SIK3: variants seen among roughly 807,000 people sequenced by gnomAD.
The protein encoded by SIK3 is serine/threonine-protein kinase SIK3.
Under a neutral mutation model 144.2 loss-of-function variants are expected in SIK3, and 28 were observed. The ratio of observed to expected loss-of-function variants is 0.19; its 90% CI spans 0.14 to 0.27. The LOEUF (loss-of-function observed/expected upper bound fraction) is 0.27, where lower values mean the gene tolerates loss of function less well. SIK3 is among the 10% of genes least tolerant of loss of function. SIK3 has a pLI of 1.00. For synonymous variants in SIK3, 686 were observed against 676.3 expected (o/e 1.01, Z -0.22); for missense variants, 1,319 against 1,776.0 (o/e 0.74, Z 4.62).
At chr11:117,078,714 A>C (rs1382985840) in intron 1 of SIK3, among the ~76,000 whole-genome samples, 1 of 152,138 alleles carries the variant, frequency 6.6e-6, no homozygotes, top group Non-Finnish European at 1.5e-5. Context: ...GAGAATTGTC[A>C]TATTTTTAAT....
chr11:116,968,289 C>T (rs775881868), intron 1 of SIK3, among the ~76,000 whole-genome samples: 16 of 152,174 alleles, frequency 1.1e-4, no homozygotes, highest in Non-Finnish European at 1.5e-4. Context: ...ACTACAGGCG[C>T]GCACCACCAT....
intron 3 of SIK3, among the ~76,000 whole-genome samples, chr11:116,929,292 G>A (rs1947463065): frequency 6.6e-6 from 1 of 152,084 alleles, no homozygotes; most frequent in African/African-American, 2.4e-5. Flanking sequence ...CTATTCTTGA[G>A]AAACATAAAA....
intron 1 of SIK3, among the ~76,000 whole-genome samples, chr11:116,984,493 A>G (rs572055764): frequency 6.6e-6 from 1 of 152,290 alleles, no homozygotes; most frequent in East Asian, 1.9e-4. Flanking sequence ...CTGGGTCATA[A>G]TAGAACTTAG....
chr11:116,912,092 C>A (rs947519328), intron 4 of SIK3, among the ~76,000 whole-genome samples: 2 of 152,162 alleles, frequency 1.3e-5, no homozygotes, highest in Non-Finnish European at 2.9e-5. Context: ...GCTTTCCAAC[C>A]CCCAACACCC....
chr11:117,090,386 GAA>G (rs541351351), intron 1 of SIK3, among the ~76,000 whole-genome samples: 2 of 126,938 alleles, frequency 1.6e-5, no homozygotes, highest in Non-Finnish European at 1.7e-5. Context: ...TTAGGATAAT[GAA>G]AAAAAAAAAA....
At chr11:117,043,074 C>G (rs141942715) in intron 1 of SIK3, among the ~76,000 whole-genome samples, 88 of 152,214 alleles carry the variant, frequency 5.8e-4, no homozygotes, top group African/African-American at 1.7e-3. Context: ...ACAAGAGTTC[C>G]CAAAACAGCT....
In SIK3 at chr11:116,858,381, G is replaced by A. The variant is rs765476893; in HGVS notation, c.3084C>T (p.Thr1028=). The change falls in exon 21 of 25, where the codon ACC becomes ACT. Residue 1028 remains threonine (T), a synonymous_variant. Coordinates refer to ENST00000445177, the MANE Select transcript of SIK3 (RefSeq NM_001366686.3). The surrounding 1 kb of genome is among the most constrained non-coding windows in gnomAD (Gnocchi z 5.4). ...QGLLSPRHSL[T]GHSDIRLPPT... is the part of the protein sequence containing the mutation. Reference sequence around the variant, plus strand: ...GGGGCAGCCGGATGTCCGAGTGGCCGGTGAGCGAATGCCGGGGAGAAAGCA... The same window carrying A: ...GGGGCAGCCGGATGTCCGAGTGGCCAGTGAGCGAATGCCGGGGAGAAAGCA... 44 of 1,613,502 alleles carry A rather than the reference G, an allele frequency of 2.7e-5. No homozygotes were observed. The highest frequency in any genetic ancestry group is 3.3e-5 in the Non-Finnish European group (39 of 1,179,790).
intron 6 of SIK3, among the ~76,000 whole-genome samples, chr11:116,891,520 TA>T (rs1321476282): frequency 1.3e-5 from 2 of 152,192 alleles, no homozygotes; most frequent in African/African-American, 2.4e-5. Flanking sequence ...GTATAAAATG[TA>T]CTTTTTTCTT....
chr11:116,957,729 G>A (rs930717816), intron 1 of SIK3, among the ~76,000 whole-genome samples: 2 of 152,058 alleles, frequency 1.3e-5, no homozygotes, highest in African/African-American at 4.8e-5. Context: ...CAGAAACTGA[G>A]GCACACAGAG....
intron 13 of SIK3, 95 bp from the exon 14 acceptor site, chr11:116,870,496 ACTTT>A: frequency 6.5e-7 from 1 of 1,547,758 alleles, no homozygotes; most frequent in Non-Finnish European, 8.8e-7. Flanking sequence ...CTTTCTGTTA[ACTTT>A]CTTATTTACA....
In SIK3 at chr11:116,956,933, C is replaced by A; in HGVS notation, c.390+15G>T. 1.3e-6 allele frequency: 2 copies of A among 1,525,062 alleles called. No individual in the cohort carries two copies. 94.5% of individuals were successfully genotyped at this position (1,525,062 alleles called of 1,614,324 possible). ...GGGTTCTTTGCAGCTATCTGCTATA[C>A]ACTAATGATCCTACCTGGTAGAGCC... On this transcript the variant is annotated intron_variant, in intron 2 of 24. Coordinates refer to ENST00000445177, the MANE Select transcript of SIK3 (RefSeq NM_001366686.3).
At position 116,858,347 on chromosome 11, in the gene SIK3, A is replaced by G; in HGVS notation, c.3118T>C (p.Phe1040Leu). 6.2e-7 allele frequency: 1 copy of G among 1,613,426 alleles called. No individual in the cohort carries two copies. Among genetic ancestry groups the G allele is most frequent in the Non-Finnish European group, 8.5e-7 (1 of 1,179,800 alleles). Residue 1040 changes from phenylalanine to leucine, a missense_variant, in exon 21 of 25, where the codon TTT becomes CTT. Physicochemically the swap from Phe to Leu is conservative, Grantham distance 22 (BLOSUM62 0). This residue lies in a region of SIK3 where 646 missense variants were observed against 763.7 expected (regional missense o/e 0.85). Transcript: ENST00000445177. The surrounding 1 kb of genome is among the most constrained non-coding windows in gnomAD (Gnocchi z 5.4). ...HSDIRLPPTE[F>L]AQLIKRQQQQ... Reference sequence around the variant, plus strand: ...TGCTGCCTTTTAATGAGCTGTGCAAACTCTGTTGGGGGCAGCCGGATGTCC... The same window carrying G: ...TGCTGCCTTTTAATGAGCTGTGCAAGCTCTGTTGGGGGCAGCCGGATGTCC...
intron 1 of SIK3, among the ~76,000 whole-genome samples, chr11:117,008,351 A>T (rs1565550746): frequency 1.3e-5 from 2 of 152,170 alleles, no homozygotes; most frequent in African/African-American, 4.8e-5. Flanking sequence ...GCTTGGAAAA[A>T]TTAAGTAACT....
At chr11:116,966,319 C>T (rs1270347692) in intron 1 of SIK3, among the ~76,000 whole-genome samples, 3 of 152,082 alleles carry the variant, frequency 2.0e-5, no homozygotes, top group African/African-American at 4.8e-5. Flanking sequence ...CATTTGAGTC[C>T]AAGAGCTCAA....
At chr11:116,928,589 G>A (rs1307913008) in intron 3 of SIK3, among the ~76,000 whole-genome samples, 2 of 152,164 alleles carry the variant, frequency 1.3e-5, no homozygotes, top group Non-Finnish European at 2.9e-5. Flanking sequence ...AGGAAGTTCA[G>A]GGTAGCACAT....
intron 3 of SIK3, among the ~76,000 whole-genome samples, chr11:116,942,912 C>T (rs1948389037): frequency 6.6e-6 from 1 of 152,094 alleles, no homozygotes; most frequent in African/African-American, 2.4e-5. Context: ...TTAAAAGAAT[C>T]CTTCTAGCTA....
intron 1 of SIK3, among the ~76,000 whole-genome samples, chr11:117,083,585 G>T (rs1254232853): frequency 6.6e-6 from 1 of 152,124 alleles, no homozygotes; most frequent in Non-Finnish European, 1.5e-5. Flanking sequence ...TTAAAAAAAT[G>T]AAGTACCAAA....
At chr11:116,863,043 C>T (rs953311424) in intron 16 of SIK3, among the ~76,000 whole-genome samples, 18 of 150,394 alleles carry the variant, frequency 1.2e-4, no homozygotes, top group Non-Finnish European at 2.5e-4. Context: ...CACTGCACTC[C>T]AGCCTGGGTG....
At chr11:117,009,141 A>G (rs889450955) in intron 1 of SIK3, among the ~76,000 whole-genome samples, 11 of 151,666 alleles carry the variant, frequency 7.3e-5, no homozygotes, top group Non-Finnish European at 1.6e-4. Context: ...GGGCTGAGGC[A>G]GGAGATCACT....
Sources: gnomAD v4.1 joint callset for allele counts (sites outside exome capture counted in the v4.1 genomes callset) on GRCh38, gnomAD v4.1.1 for gene constraint, gnomAD v4.1.1 regional missense constraint, Gnocchi (gnomAD v3.1) non-coding constraint, MANE v1.5 for transcripts, NCBI Gene and HGNC (gene_info 2026-07-23, HGNC 2026-07-21) for gene names.